Variants in MARK3 observed in about 807,000 individuals in gnomAD.
MARK3 encodes the protein MAP/microtubule affinity-regulating kinase 3.
In MARK3, 46 loss-of-function variants were observed where a neutral mutation model predicts 90.1. The ratio of observed to expected loss-of-function variants is 0.51; its 90% CI spans 0.40 to 0.65. The LOEUF is 0.65. Among genes scored for constraint, MARK3 ranks in the 30% least tolerant of loss-of-function variants. The pLI is 0.00. For synonymous variants in MARK3, 321 were observed against 332.6 expected (o/e 0.97, Z 0.38); for missense variants, 818 against 947.2 (o/e 0.86, Z 1.79).
At chr14:103,495,768 C>T (rs1297813177) in intron 15 of MARK3, among the ~76,000 whole-genome samples, 1 of 150,744 alleles carries the variant, frequency 6.6e-6, no homozygotes, top group Non-Finnish European at 1.5e-5. Flanking sequence ...CTGTTGTCTC[C>T]CTTAGTGCTA....
chr14:103,414,457 G>C (rs2091846074), intron 2 of MARK3, among the ~76,000 whole-genome samples: 1 of 151,972 alleles, frequency 6.6e-6, no homozygotes, highest in African/African-American at 2.4e-5. Context: ...CGCCCGCCTT[G>C]GCCTCCCCAG....
chr14:103,396,374 C>T (rs561262560), intron 1 of MARK3, among the ~76,000 whole-genome samples: 1 of 152,048 alleles, frequency 6.6e-6, no homozygotes, highest in Admixed American at 6.5e-5. Flanking sequence ...TTTTTAGTTT[C>T]TGAAAGTATA....
intron 12 of MARK3, among the ~76,000 whole-genome samples, chr14:103,474,032 T>TAAAA (rs1182455433): frequency 1.0e-5 from 1 of 96,212 alleles, no homozygotes; most frequent in African/African-American, 3.9e-5. Flanking sequence ...CCGTCTCTAC[T>TAAAA]AAAAAAAAAA....
chr14:103,431,233 A>G (rs2092572241), intron 3 of MARK3, among the ~76,000 whole-genome samples: 1 of 152,130 alleles, frequency 6.6e-6, no homozygotes, highest in Admixed American at 6.5e-5. Flanking sequence ...CTAGGACTAC[A>G]GGTGTACGCC....
intron 16 of MARK3, 86 bp from the exon 17 acceptor site, chr14:103,500,070 G>A (rs748111921): frequency 1.2e-4 from 121 of 980,996 alleles, no homozygotes; most frequent in Non-Finnish European, 1.7e-4. Context: ...TATGGTGTTG[G>A]TGTTGGTATT....
At chr14:103,498,404 GT>G in intron 15 of MARK3, 97 bp from the exon 16 acceptor site, 3 of 860,106 alleles carry the variant, frequency 3.5e-6, no homozygotes, top group Non-Finnish European at 1.6e-6. Context: ...ACCCTGCTTT[GT>G]TTTTTTTCTT....
intron 1 of MARK3, among the ~76,000 whole-genome samples, chr14:103,399,032 CAT>C (rs2090767483): frequency 6.6e-6 from 1 of 152,176 alleles, no homozygotes. Flanking sequence ...TGATTCTTCT[CAT>C]GTGGGAGGTA....
At chr14:103,429,870 C>T (rs912996777) in intron 3 of MARK3, among the ~76,000 whole-genome samples, 1 of 152,288 alleles carries the variant, frequency 6.6e-6, no homozygotes, top group African/African-American at 2.4e-5. Flanking sequence ...TCATGTGTAC[C>T]TGGATATAAT....
chr14:103,407,911 G>A (rs1320301541), intron 2 of MARK3, among the ~76,000 whole-genome samples: 2 of 152,028 alleles, frequency 1.3e-5, no homozygotes, highest in Non-Finnish European at 2.9e-5. Flanking sequence ...CCCTGTACCT[G>A]AAATACTCTT....
At chr14:103,428,497 C>T in intron 3 of MARK3, 57 bp downstream of exon 3, 1 of 989,520 alleles carries the variant, frequency 1.0e-6, no homozygotes, top group Admixed American at 2.7e-5. Context: ...TAATTGCCAT[C>T]TAATTTGTCC....
At chr14:103,396,266 C>T (rs1395816209) in intron 1 of MARK3, among the ~76,000 whole-genome samples, 1 of 152,112 alleles carries the variant, frequency 6.6e-6, no homozygotes, top group Non-Finnish European at 1.5e-5. Context: ...GTTCCTGAAC[C>T]TTTTGAGAGT....
intron 15 of MARK3, among the ~76,000 whole-genome samples, chr14:103,495,495 A>C (rs2075291841): frequency 6.6e-6 from 1 of 150,522 alleles, no homozygotes; most frequent in Admixed American, 6.6e-5. Flanking sequence ...AAAAAAAAGT[A>C]TCAGGCTGAG....
At chr14:103,497,018 G>A (rs2075387271) in intron 15 of MARK3, among the ~76,000 whole-genome samples, 1 of 151,986 alleles carries the variant, frequency 6.6e-6, no homozygotes, top group Admixed American at 6.6e-5. Flanking sequence ...CTCCAGCCTG[G>A]GTGATTGAGC....
chr14:103,387,495 T>C (rs28492817), intron 1 of MARK3, among the ~76,000 whole-genome samples: 6 of 151,698 alleles, frequency 4.0e-5, no homozygotes, highest in East Asian at 3.9e-4. Context: ...TATTTATTTA[T>C]TTACTTATTT....
intron 15 of MARK3, among the ~76,000 whole-genome samples, chr14:103,495,457 C>T (rs1232114202): frequency 4.9e-5 from 6 of 123,290 alleles, no homozygotes; most frequent in South Asian, 2.7e-4. Context: ...TCCAGCCTGG[C>T]GACAGATTGA....
At chr14:103,441,315 C>T (rs1489496512) in intron 3 of MARK3, among the ~76,000 whole-genome samples, 2 of 151,910 alleles carry the variant, frequency 1.3e-5, no homozygotes, top group African/African-American at 4.8e-5. Flanking sequence ...GACGGAGTTT[C>T]GCTCTGTCAC....
At chr14:103,497,358 C>T (rs2075406427) in intron 15 of MARK3, among the ~76,000 whole-genome samples, 2 of 152,202 alleles carry the variant, frequency 1.3e-5, no homozygotes, top group African/African-American at 2.4e-5. Flanking sequence ...AGATGACTGC[C>T]TGCTATGTAC....
chr14:103,440,400 G>A (rs747157739), intron 3 of MARK3, among the ~76,000 whole-genome samples: 2 of 152,154 alleles, frequency 1.3e-5, no homozygotes, highest in Non-Finnish European at 2.9e-5. Flanking sequence ...TTCAGAGCAG[G>A]TATGCTAATT....
chr14:103,444,477 G>A (rs1340537844), intron 3 of MARK3, among the ~76,000 whole-genome samples: 3 of 152,306 alleles, frequency 2.0e-5, no homozygotes, highest in East Asian at 3.9e-4. Flanking sequence ...GAAATAAGTT[G>A]TATTAAGATA....
Sources: gnomAD v4.1 joint callset for allele counts (sites outside exome capture counted in the v4.1 genomes callset) on GRCh38, gnomAD v4.1.1 for gene constraint, MANE v1.5 for transcripts, NCBI Gene and HGNC (gene_info 2026-07-23, HGNC 2026-07-21) for gene names.